Variants in ZNF804A observed in about 807,000 individuals in gnomAD.
The protein encoded by ZNF804A is zinc finger protein 804A.
ZNF804A carries 2 observed loss-of-function variants against 16.5 expected under a neutral mutation model. That is an observed-to-expected ratio of 0.12 (90% CI 0.05 to 0.38). The LOEUF is 0.38. ZNF804A is among the 10% of genes least tolerant of loss of function. The pLI, the probability that ZNF804A is intolerant of heterozygous loss-of-function variation, is 0.99. For missense variants in ZNF804A, 1,473 were observed against 1,390.7 expected (o/e 1.06, Z -0.94); for synonymous variants, 534 against 489.6 (o/e 1.09, Z -1.20).
intron 1 of ZNF804A, among the ~76,000 whole-genome samples, chr2:184,838,142 T>G (rs1695382886): frequency 6.6e-6 from 1 of 152,242 alleles, no homozygotes; most frequent in Non-Finnish European, 1.5e-5. Context: ...ACAGAGAATT[T>G]TTTTTTATTG....
intron 2 of ZNF804A, among the ~76,000 whole-genome samples, chr2:184,933,179 A>G (rs921154071): frequency 3.3e-5 from 5 of 152,026 alleles, no homozygotes; most frequent in Admixed American, 1.3e-4. Flanking sequence ...ACAAAGGACC[A>G]GATAACTTTC....
chr2:184,657,645 T>G (rs946481572), intron 1 of ZNF804A, among the ~76,000 whole-genome samples: 7 of 152,216 alleles, frequency 4.6e-5, no homozygotes, highest in Non-Finnish European at 7.3e-5. Context: ...TTAATTATTA[T>G]TTTTCTATGA....
At chr2:184,646,305 C>A (rs1476950189) in intron 1 of ZNF804A, among the ~76,000 whole-genome samples, 6 of 152,194 alleles carry the variant, frequency 3.9e-5, no homozygotes, top group Admixed American at 3.9e-4. Context: ...GCTACTACAG[C>A]TGTAGTTTCT....
intron 2 of ZNF804A, among the ~76,000 whole-genome samples, chr2:184,873,950 C>A (rs1324677866): frequency 2.6e-5 from 4 of 151,894 alleles, no homozygotes; most frequent in African/African-American, 9.7e-5. Context: ...GAAAACAAAT[C>A]CCTAATGTTA....
chr2:184,787,854 A>G (rs1250739446), intron 1 of ZNF804A, among the ~76,000 whole-genome samples: 4 of 146,736 alleles, frequency 2.7e-5, no homozygotes, highest in East Asian at 2.0e-4. Context: ...ATTAAGTCCC[A>G]TTTGTCTATA....
At chr2:184,687,111 A>G (rs1692649170) in intron 1 of ZNF804A, among the ~76,000 whole-genome samples, 2 of 152,246 alleles carry the variant, frequency 1.3e-5, no homozygotes, top group Admixed American at 6.5e-5. Flanking sequence ...CAATGTTGAG[A>G]AGGATATTTT....
chr2:184,759,047 A>G (rs934815208), intron 1 of ZNF804A, among the ~76,000 whole-genome samples: 4 of 151,518 alleles, frequency 2.6e-5, no homozygotes, highest in African/African-American at 9.7e-5. Flanking sequence ...GTGCTTATAG[A>G]ATGTAGTATA....
chr2:184,819,639 TA>T (rs946421331), intron 1 of ZNF804A, among the ~76,000 whole-genome samples: 145 of 148,362 alleles, frequency 9.8e-4, no homozygotes, highest in East Asian at 8.3e-3. Context: ...GAGCTGTTTT[TA>T]AAAAAAAAAA....
chr2:184,856,036 C>T (rs1005353038), intron 1 of ZNF804A, among the ~76,000 whole-genome samples: 1 of 151,822 alleles, frequency 6.6e-6, no homozygotes, highest in Non-Finnish European at 1.5e-5. Flanking sequence ...GATTCTGAAG[C>T]AAGGTGATAA....
intron 1 of ZNF804A, among the ~76,000 whole-genome samples, chr2:184,750,988 G>A (rs546830521): frequency 6.6e-6 from 1 of 151,372 alleles, no homozygotes; most frequent in Non-Finnish European, 1.5e-5. Flanking sequence ...TGTTCACCCT[G>A]TTGCCACAAA....
intron 2 of ZNF804A, among the ~76,000 whole-genome samples, chr2:184,916,620 C>T (rs756489187): frequency 3.3e-5 from 5 of 152,054 alleles, no homozygotes; most frequent in Admixed American, 1.3e-4. Flanking sequence ...GAGGCCAAGG[C>T]GGGTGGATCA....
chr2:184,916,440 A>T (rs909863234), intron 2 of ZNF804A, among the ~76,000 whole-genome samples: 2 of 152,210 alleles, frequency 1.3e-5, no homozygotes, highest in Non-Finnish European at 2.9e-5. Context: ...TACATATCAT[A>T]TGAGGAGACA....
rs371419228 is a variant in ZNF804A, at chr2:184,718,904, C to T, written c.111+119834C>T. The stretch of plus-strand genomic sequence containing the variant: ...GCCCTCTTTTCACAGCTCAAGCAGG[C>T]GGTGCCCCAGTGGGGATTCTGTGTG... On this transcript the variant is annotated intron_variant, in intron 1 of 3. Coordinates refer to ENST00000302277, the MANE Select transcript of ZNF804A (RefSeq NM_194250.2). Among the ~76,000 whole-genome samples, 84 of 152,184 alleles carry T rather than the reference C, an allele frequency of 5.5e-4. 2 individuals are homozygous for T. The South Asian group carries it at 9.1e-3, about 17-fold the overall frequency.
intron 1 of ZNF804A, among the ~76,000 whole-genome samples, chr2:184,836,659 G>A (rs1251757449): frequency 6.6e-6 from 1 of 151,090 alleles, no homozygotes; most frequent in Non-Finnish European, 1.5e-5. Context: ...ATATTATATA[G>A]AGATATAGAT....
chr2:184,748,435 A>G (rs1693828720), intron 1 of ZNF804A, among the ~76,000 whole-genome samples: 1 of 151,406 alleles, frequency 6.6e-6, no homozygotes, highest in South Asian at 2.1e-4. Flanking sequence ...TCTTTTGAGA[A>G]GTGTCTGTTC....
chr2:184,856,907 A>C (rs968377846), intron 1 of ZNF804A, among the ~76,000 whole-genome samples: 1 of 152,052 alleles, frequency 6.6e-6, no homozygotes, highest in African/African-American at 2.4e-5. Context: ...GGGATACTCA[A>C]CCAGTACTTC....
chr2:184,678,606 A>T (rs1230428137), intron 1 of ZNF804A, among the ~76,000 whole-genome samples: 3 of 152,208 alleles, frequency 2.0e-5, no homozygotes, highest in African/African-American at 7.2e-5. Context: ...GAGATACAGG[A>T]TGATGCCGGA....
chr2:184,665,466 G>C (rs1489240217), intron 1 of ZNF804A, among the ~76,000 whole-genome samples: 3 of 152,166 alleles, frequency 2.0e-5, no homozygotes, highest in Non-Finnish European at 4.4e-5. Context: ...TAGTAATTGA[G>C]TTACCATATT....
chr2:184,758,670 A>G (rs570175622), intron 1 of ZNF804A, among the ~76,000 whole-genome samples: 1 of 152,104 alleles, frequency 6.6e-6, no homozygotes, highest in East Asian at 1.9e-4. Flanking sequence ...TTGAACCTTT[A>G]AACAGTGGAT....
Sources: gnomAD v4.1 joint callset for allele counts (sites outside exome capture counted in the v4.1 genomes callset) on GRCh38, gnomAD v4.1.1 for gene constraint, MANE v1.5 for transcripts, NCBI Gene and HGNC (gene_info 2026-07-23, HGNC 2026-07-21) for gene names.